The following ATRNL1 variants were observed in gnomAD, a reference collection of about 807,000 sequenced individuals.
ATRNL1 encodes the protein attractin-like protein 1.
In ATRNL1, 95 loss-of-function variants were observed where a neutral mutation model predicts 182.7. That is an observed-to-expected ratio of 0.52 (90% CI 0.44 to 0.62). ATRNL1 has a LOEUF of 0.62. Ranked by LOEUF, ATRNL1 falls within the 20% of genes least tolerant of loss-of-function variation. The pLI is 0.00. For missense variants in ATRNL1, 1,471 were observed against 1,679.5 expected, an observed-to-expected ratio of 0.88 and a Z score of 2.17; for synonymous variants, 576 against 568.3, an observed-to-expected ratio of 1.01 and a Z score of -0.19.
chr10:115,367,927 G>C (rs1223555295), intron 19 of ATRNL1, among the ~76,000 whole-genome samples: 1,846 of 150,912 alleles, frequency 0.012, 34 homozygotes, highest in African/African-American at 0.042. Flanking sequence ...CTTCAAAGCT[G>C]TCAGACAGGG....
intron 14 of ATRNL1, among the ~76,000 whole-genome samples, chr10:115,284,175 GTTGC>G (rs1192168839): frequency 2.0e-5 from 3 of 152,088 alleles, no homozygotes; most frequent in Non-Finnish European, 2.9e-5. Context: ...CTGCTAAGTT[GTTGC>G]TTAATACTAC....
In ATRNL1 at chr10:115,916,964, C is replaced by T. The variant is rs1196183100; in HGVS notation, c.4019-27694C>T. Among the ~76,000 whole-genome samples, 6 of 152,088 alleles carry T rather than the reference C, an allele frequency of 3.9e-5. No homozygotes were observed. The South Asian group carries it at 6.2e-4, about 16-fold the overall frequency. On this transcript the variant is annotated intron_variant, in intron 28 of 28. Coordinates refer to ENST00000355044, the MANE Select transcript of ATRNL1 (RefSeq NM_207303.4). Reference sequence around the variant, plus strand: ...TGTCAGGAACTGCCTCTAGGCGTGGCGCAAAAAATTAAGTTCCCAGTTTTC... The same window carrying T: ...TGTCAGGAACTGCCTCTAGGCGTGGTGCAAAAAATTAAGTTCCCAGTTTTC...
intron 26 of ATRNL1, among the ~76,000 whole-genome samples, chr10:115,699,803 T>C (rs569617636): frequency 6.6e-5 from 10 of 152,294 alleles, no homozygotes; most frequent in African/African-American, 2.4e-4. Context: ...GTAGTGAGCA[T>C]AGTACCCCAT....
At chr10:115,188,853 T>C (rs1848057879) in intron 8 of ATRNL1, among the ~76,000 whole-genome samples, 1 of 152,204 alleles carries the variant, frequency 6.6e-6, no homozygotes, top group African/African-American at 2.4e-5. Context: ...ATTAGGGATT[T>C]TTAATAGGAG....
intron 28 of ATRNL1, among the ~76,000 whole-genome samples, chr10:115,922,409 A>G (rs1471921489): frequency 3.9e-5 from 6 of 152,218 alleles, no homozygotes; most frequent in Non-Finnish European, 5.9e-5. Context: ...ATATATATAA[A>G]TAAGCAACCA....
At chr10:115,598,234 C>CGT (rs1856377704) in intron 26 of ATRNL1, among the ~76,000 whole-genome samples, 2 of 149,014 alleles carry the variant, frequency 1.3e-5, no homozygotes, top group African/African-American at 4.9e-5. Context: ...TTGGTGTGAG[C>CGT]ATATAACTAT....
chr10:115,129,237 C>G, intron 4 of ATRNL1, 90 bp from the exon 5 acceptor site: 1 of 865,782 alleles, frequency 1.2e-6, no homozygotes, highest in Non-Finnish European at 1.8e-6. Context: ...ACATAGGACA[C>G]AGTATAAAAA....
chr10:115,247,405 A>G (rs2264063), intron 10 of ATRNL1, among the ~76,000 whole-genome samples: 5,150 of 152,326 alleles, frequency 0.034, 110 homozygotes, highest in African/African-American at 0.052. Flanking sequence ...AGACATACAA[A>G]TAACCAATAA....
intron 26 of ATRNL1, among the ~76,000 whole-genome samples, chr10:115,715,863 C>A (rs1947233310): frequency 6.6e-6 from 1 of 152,142 alleles, no homozygotes; most frequent in African/African-American, 2.4e-5. Flanking sequence ...CACTTCTGAG[C>A]CTGCTTTAAT....
At chr10:115,102,465 A>T (rs1182692394) in intron 1 of ATRNL1, among the ~76,000 whole-genome samples, 4 of 151,960 alleles carry the variant, frequency 2.6e-5, no homozygotes, top group African/African-American at 9.7e-5. Context: ...TATATTTGAG[A>T]TGGAGTCTCA....
intron 26 of ATRNL1, among the ~76,000 whole-genome samples, chr10:115,590,324 T>A (rs1855826965): frequency 6.6e-6 from 1 of 152,204 alleles, no homozygotes; most frequent in Non-Finnish European, 1.5e-5. Context: ...ACCCTGTTTT[T>A]AATAATGATC....
chr10:115,865,045 C>G (rs967780294), intron 28 of ATRNL1, among the ~76,000 whole-genome samples: 1 of 151,036 alleles, frequency 6.6e-6, no homozygotes, highest in Admixed American at 6.6e-5. Flanking sequence ...AAAACAAAAC[C>G]ACCAAAACTC....
intron 19 of ATRNL1, among the ~76,000 whole-genome samples, chr10:115,349,414 A>G (rs1466149647): frequency 6.6e-6 from 1 of 152,262 alleles, no homozygotes; most frequent in Non-Finnish European, 1.5e-5. Flanking sequence ...TAATGCTGCA[A>G]TAATCATGGA....
At chr10:115,462,080 A>T (rs1362666361) in intron 22 of ATRNL1, 45 bp downstream of exon 22, 8 of 1,397,942 alleles carry the variant, frequency 5.7e-6, no homozygotes, top group Middle Eastern at 1.8e-4. Context: ...ATTGGACACA[A>T]TTTTTTTTTC....
chr10:115,252,164 C>T (rs979813562), intron 10 of ATRNL1, among the ~76,000 whole-genome samples: 7 of 152,078 alleles, frequency 4.6e-5, no homozygotes, highest in African/African-American at 1.7e-4. Context: ...GTAGCTGGGA[C>T]TACAGGCGCC....
chr10:115,604,259 G>A (rs1555016916), intron 26 of ATRNL1, among the ~76,000 whole-genome samples: 1 of 152,132 alleles, frequency 6.6e-6, no homozygotes, highest in East Asian at 1.9e-4. Context: ...AGTTACTTGT[G>A]ATTAGGTTTA....
intron 19 of ATRNL1, among the ~76,000 whole-genome samples, chr10:115,357,436 G>C (rs535829800): frequency 6.6e-6 from 1 of 151,824 alleles, no homozygotes; most frequent in African/African-American, 2.4e-5. Flanking sequence ...ATACTAATTA[G>C]TGATGGTGGA....
At chr10:115,274,108 T>C (rs1327419642) in intron 13 of ATRNL1, among the ~76,000 whole-genome samples, 1 of 152,208 alleles carries the variant, frequency 6.6e-6, no homozygotes, top group African/African-American at 2.4e-5. Context: ...GTCTGCACTA[T>C]TATTTGCCTA....
intron 24 of ATRNL1, among the ~76,000 whole-genome samples, chr10:115,490,849 T>G (rs1474666134): frequency 1.3e-5 from 2 of 152,176 alleles, no homozygotes; most frequent in African/African-American, 4.8e-5. Context: ...GGCTGGTTTC[T>G]CCCCATCTTC....
Sources: allele counts gnomAD v4.1 joint callset (sites outside exome capture counted in the v4.1 genomes callset), GRCh38; gene constraint gnomAD v4.1.1; transcripts MANE v1.5; gene names NCBI Gene and HGNC (gene_info 2026-07-23, HGNC 2026-07-21).